Variants in MINDY2 observed in about 807,000 individuals in gnomAD.
MINDY2 encodes MINDY lysine 48 deubiquitinase 2, also known as ubiquitin carboxyl-terminal hydrolase MINDY-2.
Under a neutral mutation model 68.2 loss-of-function variants are expected in MINDY2, and 52 were observed. The observed-to-expected ratio is 0.76, with a 90% CI of 0.61 to 0.96. The LOEUF is 0.96. Among genes scored for constraint, MINDY2 ranks in the 40% least tolerant of loss-of-function variants. MINDY2 has a pLI of 0.00. For synonymous variants in MINDY2, 372 were observed against 303.0 expected (o/e 1.23, Z -2.36); for missense variants, 881 against 773.4 (o/e 1.14, Z -1.65).
rs2033087817 is a variant in MINDY2 at position 58,857,217 on chromosome 15, G to C, written c.*2607G>C. 1 of 152,114 alleles carries C rather than the reference G, an allele frequency of 6.6e-6. No homozygotes were observed. The highest frequency in any genetic ancestry group is 2.1e-4 in the South Asian group (1 of 4,830). The allele number at this position is 152,114 out of a possible 1,614,324, so 9.4% of individuals were successfully genotyped here. A position where few individuals can be genotyped will look rare whatever the true frequency, so the allele number is the denominator to read the frequency against. On this transcript the variant is annotated 3_prime_UTR_variant, in exon 9 of 9. Transcript: ENST00000559228. ...TGTTCAATTGTATTAAAACAAACAA[G>C]CTTTTCAGAGATACTGGTTTCCTGC...
intron 2 of MINDY2, among the ~76,000 whole-genome samples, chr15:58,798,156 G>A (rs1049798968): frequency 3.3e-5 from 5 of 151,526 alleles, no homozygotes; most frequent in African/African-American, 4.8e-5. Flanking sequence ...TTGCTCTTTC[G>A]CCCAGGCTGG....
rs1419500817 is a variant in MINDY2, at chr15:58,829,067, T to G, written c.1226-2707T>G. Among the ~76,000 whole-genome samples the G allele has an allele frequency of 2.0e-5, 3 of 152,206 alleles. No homozygotes were observed. In the East Asian group the frequency reaches 5.8e-4, roughly 29 times the overall value. On this transcript the variant is annotated intron_variant, in intron 5 of 8. Transcript: ENST00000559228. ...ATCAATAACACCTCTTTGAGCGTTA[T>G]AATGATTCTCTGATAAGTTTACAAA...
At position 58,858,684 on chromosome 15, in the gene MINDY2, A is replaced by G. The variant is rs2033134174; in HGVS notation, c.*4074A>G. 2 of 152,112 alleles carry G rather than the reference A, an allele frequency of 1.3e-5. No individual in the cohort carries two copies. The highest frequency in any genetic ancestry group is 4.1e-4 in the South Asian group (2 of 4,828). 9.4% of individuals were successfully genotyped at this position (152,112 alleles called of 1,614,324 possible). A position where few individuals can be genotyped will look rare whatever the true frequency, so the allele number is the denominator to read the frequency against. ...ACATTTGATTAACTTTTCCTATTCC[A>G]TGCACAAGTTACCTTAAAACATGAT... On this transcript the variant is annotated 3_prime_UTR_variant, in exon 9 of 9. Coordinates refer to ENST00000559228, the MANE Select transcript of MINDY2 (RefSeq NM_001040450.3).
intron 3 of MINDY2, among the ~76,000 whole-genome samples, chr15:58,804,414 G>A (rs1052284992): frequency 6.6e-6 from 1 of 152,158 alleles, no homozygotes; most frequent in East Asian, 1.9e-4. Context: ...ATTAGGGACT[G>A]CGGATGATAG....
At chr15:58,827,245 T>C (rs2141011286) in intron 5 of MINDY2, among the ~76,000 whole-genome samples, 1 of 152,346 alleles carries the variant, frequency 6.6e-6, no homozygotes, top group East Asian at 1.9e-4. Context: ...TGTGATATTA[T>C]TCTTTGAACT....
intron 4 of MINDY2, among the ~76,000 whole-genome samples, chr15:58,817,979 C>G (rs1283285724): frequency 2.6e-5 from 4 of 152,146 alleles, no homozygotes; most frequent in African/African-American, 9.7e-5. Flanking sequence ...TAGTCCGAAA[C>G]TGAAAACAAC....
intron 1 of MINDY2, among the ~76,000 whole-genome samples, chr15:58,787,473 C>G (rs1901583512): frequency 6.6e-6 from 1 of 151,952 alleles, no homozygotes; most frequent in Non-Finnish European, 1.5e-5. Context: ...TGCAGTGGCT[C>G]ACACCTGTAA....
chr15:58,819,791 A>G (rs2030943166), intron 4 of MINDY2, among the ~76,000 whole-genome samples: 1 of 152,328 alleles, frequency 6.6e-6, no homozygotes, highest in South Asian at 2.1e-4. Context: ...GTGCCCTCAA[A>G]TTGTTTCTTA....
chr15:58,777,300 C>G (rs1378959867), intron 1 of MINDY2, among the ~76,000 whole-genome samples: 1 of 152,180 alleles, frequency 6.6e-6, no homozygotes, highest in Non-Finnish European at 1.5e-5. Flanking sequence ...AAAGTGAAAA[C>G]AGCTGATCAT....
chr15:58,816,793 A>T (rs1390413644), intron 4 of MINDY2, among the ~76,000 whole-genome samples: 2 of 152,168 alleles, frequency 1.3e-5, no homozygotes, highest in African/African-American at 4.8e-5. Context: ...TGCGCATTAA[A>T]GTTTTAACTG....
intron 5 of MINDY2, among the ~76,000 whole-genome samples, chr15:58,830,998 G>T (rs2031679781): frequency 6.9e-6 from 1 of 145,614 alleles, no homozygotes; most frequent in Admixed American, 6.9e-5. Context: ...AGGATCGATT[G>T]TGTATATGAA....
intron 5 of MINDY2, among the ~76,000 whole-genome samples, chr15:58,830,999 T>G (rs901221788): frequency 1.4e-5 from 2 of 148,042 alleles, no homozygotes; most frequent in East Asian, 3.9e-4. Context: ...GGATCGATTG[T>G]GTATATGAAG....
intron 4 of MINDY2, chr15:58,817,531 C>T (rs112417080): frequency 0.033 from 5,072 of 152,252 alleles, 89 homozygotes; most frequent in African/African-American, 0.049. Flanking sequence ...TTTGAGACGC[C>T]TGGCCAACAT....
chr15:58,837,932 G>A (rs1358373570), intron 6 of MINDY2, among the ~76,000 whole-genome samples: 1 of 133,638 alleles, frequency 7.5e-6, no homozygotes, highest in Non-Finnish European at 1.5e-5. Context: ...TCATGCCACT[G>A]CACTCCAACC....
intron 1 of MINDY2, among the ~76,000 whole-genome samples, chr15:58,783,338 T>C (rs1445375649): frequency 6.6e-6 from 1 of 152,232 alleles, no homozygotes; most frequent in East Asian, 1.9e-4. Context: ...TGAGTACTTA[T>C]TATATTGGTA....
intron 5 of MINDY2, among the ~76,000 whole-genome samples, chr15:58,824,758 C>A (rs2031286788): frequency 6.7e-6 from 1 of 149,352 alleles, no homozygotes; most frequent in Non-Finnish European, 1.5e-5. Flanking sequence ...TAACCTCTGC[C>A]CCATGGATTC....
At chr15:58,807,258 A>T (rs187454884) in intron 3 of MINDY2, among the ~76,000 whole-genome samples, 131 of 151,074 alleles carry the variant, frequency 8.7e-4, no homozygotes, top group Non-Finnish European at 1.6e-3. Context: ...GTTAAATTTT[A>T]TGTATTGGTT....
intron 1 of MINDY2, among the ~76,000 whole-genome samples, chr15:58,784,594 TTTTCTTTCTTTTC>T (rs1901360495): frequency 6.6e-6 from 1 of 151,646 alleles, no homozygotes; most frequent in East Asian, 1.9e-4. Flanking sequence ...TTTGTCATTT[TTTTCTTTCTTTTC>T]TTTCTTTCTT....
intron 6 of MINDY2, among the ~76,000 whole-genome samples, chr15:58,838,732 G>A (rs534667484): frequency 2.0e-5 from 3 of 151,686 alleles, no homozygotes; most frequent in South Asian, 2.1e-4. Context: ...GATTACAGGC[G>A]GGTACCACCA....
Sources: allele counts gnomAD v4.1 joint callset (sites outside exome capture counted in the v4.1 genomes callset), GRCh38; gene constraint gnomAD v4.1.1; transcripts MANE v1.5; gene names NCBI Gene and HGNC (gene_info 2026-07-23, HGNC 2026-07-21).